TMF1: variants seen among roughly 807,000 people sequenced by gnomAD.
TMF1 encodes the protein TATA element modulatory factor 1.
In TMF1, 71 loss-of-function variants were observed where a neutral mutation model predicts 126.5. That is an observed-to-expected ratio of 0.56 (90% CI 0.46 to 0.68). The LOEUF is 0.68. TMF1 is among the 30% of genes least tolerant of loss of function. The pLI is 0.00. For synonymous variants in TMF1, 461 were observed against 430.5 expected, an observed-to-expected ratio of 1.07 and a Z score of -0.88; for missense variants, 1,259 against 1,253.2, an observed-to-expected ratio of 1.00 and a Z score of -0.07.
In TMF1 at chr3:69,033,697, T is replaced by C. The variant is rs748900609; in HGVS notation, c.2252A>G (p.Gln751Arg). Residue 751 changes from glutamine (Q) to arginine (R), a missense_variant, in exon 10 of 17, where the codon CAG (glutamine) becomes CGG (arginine). By Grantham distance (43) the Gln-to-Arg change is conservative. Coordinates refer to ENST00000398559, the MANE Select transcript of TMF1 (RefSeq NM_007114.3). ...TTCCTGGTTTCGATTCTCTGCTTCC[T>C]GGAGTCTCTGAATCATGAAATTCTG... ...HEIGELQQRL[Q>R]EAENRNQELS... The C allele has an allele frequency of 6.2e-7, 1 of 1,607,240 alleles. No homozygotes were observed. The highest frequency in any genetic ancestry group is 8.5e-7 in the Non-Finnish European group (1 of 1,177,618).
intron 14 of TMF1, 32 bp from the exon 15 acceptor site, chr3:69,025,744 T>G: frequency 1.9e-6 from 3 of 1,593,478 alleles, no homozygotes; most frequent in Non-Finnish European, 2.6e-6. Context: ...ACACAGTTAC[T>G]CAGTTATCAT....
intron 6 of TMF1, 71 bp from the exon 7 acceptor site, chr3:69,039,080 A>T: frequency 8.7e-7 from 1 of 1,144,140 alleles, no homozygotes; most frequent in Non-Finnish European, 1.2e-6. Context: ...GTATTCCAGG[A>T]ATCTATAATA....
intron 8 of TMF1, among the ~76,000 whole-genome samples, chr3:69,036,798 A>G (rs888181646): frequency 2.0e-5 from 3 of 152,234 alleles, no homozygotes; most frequent in African/African-American, 7.2e-5. Context: ...AAAAGACCTA[A>G]ATGTGAGAGC....
At chr3:69,045,953 G>A (rs762203584) in intron 2 of TMF1, among the ~76,000 whole-genome samples, 2 of 151,776 alleles carry the variant, frequency 1.3e-5, no homozygotes, top group Non-Finnish European at 2.9e-5. Flanking sequence ...CTACTAGAGC[G>A]GATTAGGTGG....
intron 6 of TMF1, 52 bp from the exon 7 acceptor site, chr3:69,039,061 T>C (rs748082705): frequency 7.8e-7 from 1 of 1,285,342 alleles, no homozygotes; most frequent in South Asian, 1.7e-5. Flanking sequence ...AATACCATGG[T>C]AAATAACTGT....
At chr3:69,032,162 C>T (rs2091806671) in intron 10 of TMF1, among the ~76,000 whole-genome samples, 2 of 152,064 alleles carry the variant, frequency 1.3e-5, no homozygotes, top group South Asian at 4.1e-4. Flanking sequence ...GCTAGAGAAG[C>T]CCAGCCTCTT....
Position 69,043,794 on chromosome 3 carries a change from T to C in TMF1, c.1534A>G (p.Lys512Glu). ...TCTTTGCAGGCTAGTTGAACTTTCT[T>C]TTCTGCTTCTGCAATTCTTTGAGTA... ...EFTQRIAEAE[K>E]KVQLACKERD... is the part of the protein sequence containing the mutation. Residue 512 changes from lysine to glutamate, a missense_variant, in exon 4 of 17, where the codon AAG (lysine) becomes GAG (glutamate). By Grantham distance (56) the Lys-to-Glu change is moderately conservative. Transcript: ENST00000398559. 5.0e-6 allele frequency: 8 copies of C among 1,612,584 alleles called. No homozygotes were observed. Among genetic ancestry groups the C allele is most frequent in the Non-Finnish European group, 6.8e-6 (8 of 1,179,374 alleles).
chr3:69,051,424 G>A (rs572590622), intron 1 of TMF1, among the ~76,000 whole-genome samples: 128 of 152,230 alleles, frequency 8.4e-4, no homozygotes, highest in African/African-American at 3.0e-3. Context: ...GCAGTGAGCC[G>A]AGATCGCGCC....
At position 69,044,504 on chromosome 3, in the gene TMF1, T is replaced by C. The variant is rs2091884595; in HGVS notation, c.1439A>G (p.Asp480Gly). ...KEKALLEEAF[D>G]NLKDEMFRVK... ...GCAGAATACTTACTCTTTCAGGTTA[T>C]CAAAAGCTTCTTCTAGAAGTGCTTT... Residue 480 changes from aspartate (D) to glycine (G), a missense_variant, in exon 3 of 17, where the codon GAT (aspartate) becomes GGT (glycine). Coordinates refer to ENST00000398559, the MANE Select transcript of TMF1 (RefSeq NM_007114.3). 6.3e-7 allele frequency: 1 copy of C among 1,586,002 alleles called. No homozygotes were observed. The highest frequency in any genetic ancestry group is 8.6e-7 in the Non-Finnish European group (1 of 1,165,680).
intron 1 of TMF1, among the ~76,000 whole-genome samples, chr3:69,050,737 A>G (rs1300820090): frequency 6.6e-6 from 1 of 152,210 alleles, no homozygotes; most frequent in African/African-American, 2.4e-5. Flanking sequence ...ATGGACCAAA[A>G]TATCTTAAAC....
At chr3:69,041,112 C>T (rs1248035302) in intron 5 of TMF1, among the ~76,000 whole-genome samples, 1 of 152,052 alleles carries the variant, frequency 6.6e-6, no homozygotes, top group African/African-American at 2.4e-5. Flanking sequence ...AAAATAATAA[C>T]ATTCGATATT....
chr3:69,035,726 A>C (rs2091827898), intron 8 of TMF1, among the ~76,000 whole-genome samples: 2 of 152,202 alleles, frequency 1.3e-5, no homozygotes, highest in Non-Finnish European at 2.9e-5. Context: ...ATACAACATG[A>C]ATATAACCAT....
At position 69,029,798 on chromosome 3, in the gene TMF1, T is replaced by G; in HGVS notation, c.2594+17A>C. On this transcript the variant is annotated intron_variant, in intron 11 of 16. Transcript: ENST00000398559. ...GTCACGGAACTACCAAAAATATCACTCAGAAACCATGCTCACCTATTGTTC... is the reference window on the plus strand; with the variant it reads ...GTCACGGAACTACCAAAAATATCACGCAGAAACCATGCTCACCTATTGTTC... The G allele has an allele frequency of 2.5e-6, 4 of 1,589,040 alleles. No homozygotes were observed. Among genetic ancestry groups the G allele is most frequent in the Non-Finnish European group, 3.4e-6 (4 of 1,168,540 alleles).
At chr3:69,042,760 T>G in intron 5 of TMF1, 47 bp downstream of exon 5, 1 of 1,474,714 alleles carries the variant, frequency 6.8e-7, no homozygotes, top group Non-Finnish European at 9.5e-7. Flanking sequence ...CAAGTACTTT[T>G]CCTGTTCTTA....
Position 69,038,945 on chromosome 3 carries a change from A to G in TMF1, c.1892T>C (p.Met631Thr). 1 of 1,611,126 alleles carries G rather than the reference A, an allele frequency of 6.2e-7. No individual in the cohort carries two copies. The highest frequency in any genetic ancestry group is 1.1e-5 in the South Asian group (1 of 90,330). The change falls in exon 7 of 17, where the codon ATG becomes ACG. Residue 631 changes from methionine (M) to threonine (T), a missense_variant. Coordinates refer to ENST00000398559, the MANE Select transcript of TMF1 (RefSeq NM_007114.3). ...AAGATCTTTCTCTTGGCGTTCTACC[A>G]TGGAATTTAGTTTTTTAATATTTTC... ...HRENIKKLNSMVERQEKDLGR... is the reference protein window; with the variant it reads ...HRENIKKLNSTVERQEKDLGR...
Position 69,033,590 on chromosome 3 carries a change from A to C in TMF1, c.2359T>G (p.Ser787Ala). 2 of 1,613,850 alleles carry C rather than the reference A, an allele frequency of 1.2e-6. No homozygotes were observed. Among genetic ancestry groups the C allele is most frequent in the Non-Finnish European group, 1.7e-6 (2 of 1,179,940 alleles). Residue 787 changes from serine (S) to alanine (A), a missense_variant, in exon 10 of 17, where the codon TCG (serine) becomes GCG (alanine). Physicochemically the swap from Ser to Ala is moderately conservative, Grantham distance 99. Coordinates refer to ENST00000398559, the MANE Select transcript of TMF1 (RefSeq NM_007114.3). ...TTCTTCTCTAATTTCTCCCACGACG[A>C]TGTCTGGGATCCCAGGGTTGCTTGC... is the stretch of plus-strand genomic sequence containing the variant. Reference protein sequence around the residue: ...NLQATLGSQTSSWEKLEKNLS... With the variant: ...NLQATLGSQTASWEKLEKNLS...
chr3:69,048,825 G>A (rs2091911013), intron 1 of TMF1: 1 of 325,504 alleles, frequency 3.1e-6, no homozygotes. Context: ...TGGACTACCA[G>A]ATGCGAGTAT....
chr3:69,038,405 T>C (rs1472174337), intron 8 of TMF1, among the ~76,000 whole-genome samples, 159 bp downstream of exon 8: 1 of 152,216 alleles, frequency 6.6e-6, no homozygotes, highest in African/African-American at 2.4e-5. Flanking sequence ...ACTTTAACAG[T>C]TTTAAAAAAC....
rs769312862 is a variant in TMF1 at position 69,033,586 on chromosome 3, G to A, written c.2363C>T (p.Ser788Leu). The change falls in exon 10 of 17, where the codon TCG becomes TTG. Residue 788 changes from serine (S) to leucine (L), a missense_variant. By Grantham distance (145) the Ser-to-Leu change is moderately radical. Transcript: ENST00000398559. ...LQATLGSQTS[S>L]WEKLEKNLSD... ...AAGATTCTTCTCTAATTTCTCCCAC[G>A]ACGATGTCTGGGATCCCAGGGTTGC... 9.9e-6 allele frequency: 16 copies of A among 1,613,682 alleles called. No homozygotes were observed. In the Admixed American group the frequency reaches 1.8e-4, roughly 19 times the overall value.
Sources: gnomAD v4.1 joint callset for allele counts (sites outside exome capture counted in the v4.1 genomes callset) on GRCh38, gnomAD v4.1.1 for gene constraint, MANE v1.5 for transcripts, NCBI Gene and HGNC (gene_info 2026-07-23, HGNC 2026-07-21) for gene names.